Variants in TNFSF4 observed in about 807,000 individuals in gnomAD.
TNFSF4 encodes tumor necrosis factor ligand superfamily member 4.
TNFSF4 carries 4 observed loss-of-function variants against 7.3 expected under a neutral mutation model. The observed-to-expected ratio is 0.55, with a 90% CI of 0.27 to 1.25. The LOEUF (loss-of-function observed/expected upper bound fraction) is 1.25, where lower values mean the gene tolerates loss of function less well. Among genes scored for constraint, TNFSF4 ranks in the 50% most tolerant of loss-of-function variants. The pLI, the probability that TNFSF4 is intolerant of heterozygous loss-of-function variation, is 0.12. For synonymous variants in TNFSF4, 76 were observed against 83.7 expected, an observed-to-expected ratio of 0.91 and a Z score of 0.50; for missense variants, 181 against 208.8, an observed-to-expected ratio of 0.87 and a Z score of 0.82.
the TNFSF4 span, among the ~76,000 whole-genome samples, chr1:173,382,298 C>G: frequency 1.3e-5 from 2 of 152,118 alleles, no homozygotes; most frequent in African/African-American, 4.8e-5. Flanking sequence ...AGACCACGAA[C>G]CCACCAGAAT....
the TNFSF4 span, among the ~76,000 whole-genome samples, chr1:173,278,325 C>T: frequency 6.6e-6 from 1 of 152,078 alleles, no homozygotes; most frequent in Non-Finnish European, 1.5e-5. Flanking sequence ...ATCTCTTACA[C>T]TCTCCTGATT....
chr1:173,446,571 AT>A, the TNFSF4 span, among the ~76,000 whole-genome samples: 1 of 152,154 alleles, frequency 6.6e-6, no homozygotes, highest in African/African-American at 2.4e-5. Context: ...GAAGATTAAC[AT>A]TCGAGTCAGT....
chr1:173,364,872 T>G, the TNFSF4 span, among the ~76,000 whole-genome samples: 1 of 151,832 alleles, frequency 6.6e-6, no homozygotes, highest in Non-Finnish European at 1.5e-5. Flanking sequence ...AAGAAAAAAA[T>G]ATATAAAATT....
the TNFSF4 span, among the ~76,000 whole-genome samples, chr1:173,372,382 C>T: frequency 6.6e-6 from 1 of 152,162 alleles, no homozygotes; most frequent in Non-Finnish European, 1.5e-5. Context: ...GACTTCAAAA[C>T]CTTAAAGCAG....
At chr1:173,262,274 T>G in the TNFSF4 span, among the ~76,000 whole-genome samples, 1 of 152,216 alleles carries the variant, frequency 6.6e-6, no homozygotes, top group Non-Finnish European at 1.5e-5. Flanking sequence ...TCACTAAAAT[T>G]CAACATCCCT....
the TNFSF4 span, among the ~76,000 whole-genome samples, chr1:173,347,689 A>G: frequency 1.3e-5 from 2 of 152,256 alleles, no homozygotes; most frequent in Admixed American, 1.3e-4. Context: ...AATTTGAAAG[A>G]ACGAGGAACA....
the TNFSF4 span, among the ~76,000 whole-genome samples, chr1:173,284,423 C>T: frequency 2.0e-5 from 3 of 152,180 alleles, no homozygotes; most frequent in African/African-American, 7.2e-5. Flanking sequence ...GTAGAAGCTG[C>T]AGCAAGTTAT....
the TNFSF4 span, among the ~76,000 whole-genome samples, chr1:173,338,000 A>G: frequency 6.6e-6 from 1 of 152,150 alleles, no homozygotes; most frequent in Non-Finnish European, 1.5e-5. Flanking sequence ...TCATTGTCCA[A>G]TAGGATCATG....
chr1:173,403,726 A>G, the TNFSF4 span, among the ~76,000 whole-genome samples: 1 of 152,058 alleles, frequency 6.6e-6, no homozygotes, highest in Non-Finnish European at 1.5e-5. Context: ...AGATGGTGAA[A>G]CCCCATCTCT....
the TNFSF4 span, among the ~76,000 whole-genome samples, chr1:173,303,098 A>G: frequency 6.6e-6 from 1 of 151,874 alleles, no homozygotes; most frequent in Non-Finnish European, 1.5e-5. Flanking sequence ...CTTCTGACCA[A>G]GTTAGGTCAG....
At chr1:173,364,588 A>T in the TNFSF4 span, among the ~76,000 whole-genome samples, 2 of 152,124 alleles carry the variant, frequency 1.3e-5, no homozygotes, top group Non-Finnish European at 2.9e-5. Flanking sequence ...AATTTTAAAA[A>T]TCAACAAAAA....
chr1:173,268,270 C>T, the TNFSF4 span, among the ~76,000 whole-genome samples: 1 of 152,080 alleles, frequency 6.6e-6, no homozygotes, highest in Non-Finnish European at 1.5e-5. Flanking sequence ...GACCATCTTT[C>T]ACTTCATGAG....
the TNFSF4 span, among the ~76,000 whole-genome samples, chr1:173,334,200 T>G: frequency 6.6e-6 from 1 of 152,148 alleles, no homozygotes; most frequent in Non-Finnish European, 1.5e-5. Flanking sequence ...TGATTATATT[T>G]AAAGATGCTA....
At chr1:173,366,460 G>T in the TNFSF4 span, among the ~76,000 whole-genome samples, 1 of 152,144 alleles carries the variant, frequency 6.6e-6, no homozygotes, top group South Asian at 2.1e-4. Flanking sequence ...GGTTACCAGA[G>T]GCTGGGGAGG....
chr1:173,412,965 C>T, the TNFSF4 span, among the ~76,000 whole-genome samples: 95,565 of 152,056 alleles, frequency 0.63, 31,759 homozygotes, highest in Middle Eastern at 0.75. Flanking sequence ...ATACTCACTC[C>T]TGCATCCAAG....
At chr1:173,283,680 A>G in the TNFSF4 span, among the ~76,000 whole-genome samples, 1 of 152,176 alleles carries the variant, frequency 6.6e-6, no homozygotes, top group Non-Finnish European at 1.5e-5. Flanking sequence ...TTCTAAGACT[A>G]TATTTCAGTC....
At chr1:173,365,610 G>A in the TNFSF4 span, among the ~76,000 whole-genome samples, 52 of 152,254 alleles carry the variant, frequency 3.4e-4, no homozygotes, top group Non-Finnish European at 4.4e-5. Flanking sequence ...GTAGCATTTT[G>A]TGAGTTTTTG....
At chr1:173,284,351 G>A in the TNFSF4 span, among the ~76,000 whole-genome samples, 1 of 152,154 alleles carries the variant, frequency 6.6e-6, no homozygotes, top group African/African-American at 2.4e-5. Flanking sequence ...AGGTTCATGA[G>A]GTTTAAGGAA....
the TNFSF4 span, among the ~76,000 whole-genome samples, chr1:173,356,384 T>C: frequency 1.4e-4 from 21 of 152,262 alleles, no homozygotes; most frequent in African/African-American, 4.1e-4. Flanking sequence ...ACAAATGGAG[T>C]TGAAAGCATC....
Sources: allele counts gnomAD v4.1 joint callset (sites outside exome capture counted in the v4.1 genomes callset), GRCh38; gene constraint gnomAD v4.1.1; transcripts MANE v1.5; gene names NCBI Gene and HGNC (gene_info 2026-07-23, HGNC 2026-07-21).